The following STRN variants were observed in gnomAD, a reference collection of about 807,000 sequenced individuals.
The protein encoded by STRN is striatin.
In STRN, 53 loss-of-function variants were observed where a neutral mutation model predicts 96.3. The ratio of observed to expected loss-of-function variants is 0.55; its 90% CI spans 0.44 to 0.69. The LOEUF is 0.69. STRN is among the 30% of genes least tolerant of loss of function. The probability of loss-of-function intolerance (pLI) is 0.00; values close to 1 mark genes in which losing one functional copy is unlikely to be tolerated. For synonymous variants in STRN, 428 were observed against 355.9 expected (o/e 1.20, Z -2.28); for missense variants, 987 against 963.9 (o/e 1.02, Z -0.32).
intron 9 of STRN, 85 bp downstream of exon 9, chr2:36,883,847 C>G: frequency 4.0e-6 from 5 of 1,237,936 alleles, no homozygotes; most frequent in East Asian, 2.9e-5. Flanking sequence ...AAAGTTCTCT[C>G]TAATAGGAGA....
chr2:36,918,509 G>C (rs1670169430), intron 2 of STRN, among the ~76,000 whole-genome samples: 1 of 151,804 alleles, frequency 6.6e-6, no homozygotes, highest in South Asian at 2.1e-4. Flanking sequence ...CTGCATTATA[G>C]TGCATTCTAG....
chr2:36,838,266 G>A lies in STRN; in HGVS notation c.*11190C>T, dbSNP rs910912568. Among the ~76,000 whole-genome samples the A allele has an allele frequency of 2.6e-5, 4 of 152,198 alleles. No individual in the cohort carries two copies. Among genetic ancestry groups the A allele is most frequent in the Non-Finnish European group, 4.4e-5 (3 of 68,036 alleles). ...TAGGAGACAGGGACCTCCATCCTCT[G>A]ACTTTAATGAGGCTGGAAGCGAATT... On this transcript the variant is annotated 3_prime_UTR_variant, in exon 18 of 18. Coordinates refer to ENST00000263918, the MANE Select transcript of STRN (RefSeq NM_003162.4).
Position 36,838,732 on chromosome 2 carries a change from C to G in STRN, c.*10724G>C, listed in dbSNP as rs1470902960. ...ATCCTACTCCAGGGAATCTATTCCG[C>G]AGACGTAAAACCATCATGGTGACAA... On this transcript the variant is annotated 3_prime_UTR_variant, in exon 18 of 18. Transcript: ENST00000263918. Among the ~76,000 whole-genome samples, 2 of 152,120 alleles carry G rather than the reference C, an allele frequency of 1.3e-5. No homozygotes were observed. The highest frequency in any genetic ancestry group is 2.9e-5 in the Non-Finnish European group (2 of 68,004).
intron 1 of STRN, among the ~76,000 whole-genome samples, chr2:36,963,229 G>A (rs1470209255): frequency 6.6e-6 from 1 of 152,222 alleles, no homozygotes; most frequent in African/African-American, 2.4e-5. Context: ...GCAGATGAGA[G>A]CTTGGATTGC....
rs1383548597 is a variant in STRN, at chr2:36,916,167, GA to G, written c.339-17del. On this transcript the variant is annotated splice_polypyrimidine_tract_variant and intron_variant, in intron 2 of 17. Coordinates refer to ENST00000263918, the MANE Select transcript of STRN (RefSeq NM_003162.4). ...GTATTTGGCTCTAACAAAGAAATGA[GA>G]AAATACAGACCATCTTAAAATATGT... 1 of 1,593,020 alleles carries G rather than the reference GA, an allele frequency of 6.3e-7. No individual in the cohort carries two copies.
intron 12 of STRN, chr2:36,867,248 T>C (rs77000120): frequency 0.04 from 6,036 of 152,122 alleles, 185 homozygotes; most frequent in East Asian, 0.13. Flanking sequence ...CTGAGGTGGG[T>C]GGATCACTTG....
chr2:36,941,148 C>G (rs980648940), intron 1 of STRN, among the ~76,000 whole-genome samples: 1 of 152,154 alleles, frequency 6.6e-6, no homozygotes, highest in African/African-American at 2.4e-5. Flanking sequence ...AGAGGTGAGA[C>G]CCTGTCTCAA....
chr2:36,938,969 GTTT>G (rs879423060), intron 1 of STRN, among the ~76,000 whole-genome samples: 3 of 146,616 alleles, frequency 2.0e-5, no homozygotes, highest in Non-Finnish European at 4.5e-5. Flanking sequence ...AGTGTGTCAA[GTTT>G]TTTTTTTTTA....
intron 10 of STRN, among the ~76,000 whole-genome samples, chr2:36,871,759 T>C (rs1249216934): frequency 6.6e-6 from 1 of 152,196 alleles, no homozygotes; most frequent in Non-Finnish European, 1.5e-5. Flanking sequence ...CTTTACAGAC[T>C]AGACACATCA....
intron 10 of STRN, among the ~76,000 whole-genome samples, chr2:36,877,368 T>C (rs1434058591): frequency 5.3e-5 from 8 of 152,178 alleles, no homozygotes; most frequent in African/African-American, 9.6e-5. Flanking sequence ...AAACAAATCA[T>C]ACTCAATTAT....
chr2:36,895,240 T>C (rs1444044241), intron 6 of STRN, among the ~76,000 whole-genome samples: 3 of 151,038 alleles, frequency 2.0e-5, no homozygotes, highest in Non-Finnish European at 4.4e-5. Flanking sequence ...GGCAGAAGAA[T>C]GGCGTGAACC....
chr2:36,959,973 T>C (rs953213087), intron 1 of STRN, among the ~76,000 whole-genome samples: 5 of 152,140 alleles, frequency 3.3e-5, no homozygotes, highest in African/African-American at 1.2e-4. Context: ...AAGAGACAAA[T>C]AATAGGATAC....
chr2:36,907,679 G>A (rs1669859664), intron 3 of STRN, among the ~76,000 whole-genome samples: 1 of 152,100 alleles, frequency 6.6e-6, no homozygotes, highest in Non-Finnish European at 1.5e-5. Flanking sequence ...CTTGAGTTTT[G>A]GAAGGCAATT....
intron 12 of STRN, among the ~76,000 whole-genome samples, chr2:36,864,011 C>T (rs994355380): frequency 6.6e-6 from 1 of 152,122 alleles, no homozygotes; most frequent in Non-Finnish European, 1.5e-5. Flanking sequence ...GATTTTATAT[C>T]CAGAAATTTG....
At chr2:36,922,711 A>G (rs901104523) in intron 2 of STRN, among the ~76,000 whole-genome samples, 2 of 151,976 alleles carry the variant, frequency 1.3e-5, no homozygotes, top group African/African-American at 4.8e-5. Context: ...TTCTGAACAC[A>G]CCAAACTGCT....
At chr2:36,921,461 C>T (rs1332856848) in intron 2 of STRN, among the ~76,000 whole-genome samples, 2 of 152,226 alleles carry the variant, frequency 1.3e-5, no homozygotes, top group Admixed American at 6.5e-5. Flanking sequence ...ACTTCACTCA[C>T]AATAATACTG....
intron 7 of STRN, 151 bp downstream of exon 7, chr2:36,893,747 C>A: frequency 1.2e-6 from 1 of 812,028 alleles, no homozygotes; most frequent in East Asian, 3.0e-5. Flanking sequence ...AACATACACA[C>A]ACATTCACCC....
At chr2:36,854,200 G>GT (rs1356973901) in intron 15 of STRN, among the ~76,000 whole-genome samples, 4 of 150,932 alleles carry the variant, frequency 2.7e-5, no homozygotes, top group Non-Finnish European at 1.5e-5. Context: ...TTTCATATTA[G>GT]TTTTTTATTT....
chr2:36,965,323 T>G (rs1665131911), intron 1 of STRN, among the ~76,000 whole-genome samples: 1 of 152,250 alleles, frequency 6.6e-6, no homozygotes, highest in African/African-American at 2.4e-5. Flanking sequence ...GAACAACCAC[T>G]GAAAACCTAT....
Sources: gnomAD v4.1 joint callset for allele counts (sites outside exome capture counted in the v4.1 genomes callset) on GRCh38, gnomAD v4.1.1 for gene constraint, MANE v1.5 for transcripts, NCBI Gene and HGNC (gene_info 2026-07-23, HGNC 2026-07-21) for gene names.